Variants in HCRTR1 observed in about 807,000 individuals in gnomAD.
HCRTR1 encodes the protein hypocretin receptor 1, also known as orexin/Hypocretin receptor type 1.
HCRTR1 carries 28 observed loss-of-function variants against 40.6 expected under a neutral mutation model. The observed-to-expected ratio is 0.69, with a 90% CI of 0.51 to 0.95. The LOEUF (loss-of-function observed/expected upper bound fraction) is 0.95. Ranked by LOEUF, HCRTR1 falls within the 40% of genes least tolerant of loss-of-function variation. HCRTR1 has a pLI of 0.00. For missense variants in HCRTR1, 482 were observed against 564.7 expected, an observed-to-expected ratio of 0.85 and a Z score of 1.48; for synonymous variants, 209 against 230.0, an observed-to-expected ratio of 0.91 and a Z score of 0.83.
At chr1:31,630,358 T>C, downstream of HCRTR1, 1 of 507,764 alleles carries the variant, frequency 2.0e-6, no homozygotes, top group Non-Finnish European at 3.6e-6. Context: ...GCCACTCAAC[T>C]GCTCATGGCC....
Position 31,619,387 on chromosome 1 carries a change from G to T in HCRTR1, c.195G>T (p.Thr65=), listed in dbSNP as rs760595019. 6.2e-7 allele frequency: 1 copy of T among 1,614,094 alleles called. No individual in the cohort carries two copies. Residue 65 remains threonine, a synonymous_variant, in exon 3 of 9, where the codon ACG becomes ACT. Transcript: ENST00000403528. The part of the protein sequence containing the change: ...AVFVVALVGN[T]LVCLAVWRNH... Reference sequence around the variant, plus strand: ...TCGTCGTGGCCCTGGTGGGCAACACGCTGGGTAGGTCCAGGGCTTGCCCGG... The same window carrying T: ...TCGTCGTGGCCCTGGTGGGCAACACTCTGGGTAGGTCCAGGGCTTGCCCGG...
chr1:31,631,049 C>A (rs893320794), downstream of HCRTR1, among the ~76,000 whole-genome samples: 1 of 152,156 alleles, frequency 6.6e-6, no homozygotes, highest in African/African-American at 2.4e-5. Flanking sequence ...GGTGGAAGGC[C>A]CTCATCCCTC....
At chr1:31,632,948 C>T (rs536378228), downstream of HCRTR1, among the ~76,000 whole-genome samples, 13 of 152,318 alleles carry the variant, frequency 8.5e-5, no homozygotes, top group East Asian at 2.5e-3. Flanking sequence ...CTAAGTTAAC[C>T]TGTAACTAGG....
downstream of HCRTR1, chr1:31,627,661 G>A: frequency 3.5e-6 from 1 of 289,202 alleles, no homozygotes; most frequent in African/African-American, 2.2e-5. Context: ...CTTAGGTTAG[G>A]AGCAGAAGAA....
rs564685579 is a variant in HCRTR1, at chr1:31,625,648, G to A, written c.1087+530G>A. Among the ~76,000 whole-genome samples the A allele has an allele frequency of 4.6e-5, 7 of 152,252 alleles. No individual in the cohort carries two copies. In the East Asian group the frequency reaches 1.2e-3, roughly 25 times the overall value. On this transcript the variant is annotated intron_variant, in intron 8 of 8. Coordinates refer to ENST00000403528, the MANE Select transcript of HCRTR1 (RefSeq NM_001525.3). The surrounding 1 kb of genome is among the most constrained non-coding windows in gnomAD (Gnocchi z 4.2). ...GGAATCTCAGGGGTTGTCCCCTCTG[G>A]AAGTCTTCCTCCCCTGCCACCCCCA...
chr1:31,619,403 G>A lies in HCRTR1; in HGVS notation c.199+12G>A. 1 of 1,613,948 alleles carries A rather than the reference G, an allele frequency of 6.2e-7. No individual in the cohort carries two copies. Among genetic ancestry groups the A allele is most frequent in the Non-Finnish European group, 8.5e-7 (1 of 1,179,922 alleles). ...GGGCAACACGCTGGGTAGGTCCAGG[G>A]CTTGCCCGGCAGTGCTGCCGGCTTT... On this transcript the variant is annotated intron_variant, in intron 3 of 8. Coordinates refer to ENST00000403528, the MANE Select transcript of HCRTR1 (RefSeq NM_001525.3).
intron 6 of HCRTR1, among the ~76,000 whole-genome samples, chr1:31,623,001 G>A (rs965639653): frequency 2.6e-5 from 4 of 152,136 alleles, no homozygotes; most frequent in Admixed American, 6.5e-5. Context: ...TCCACAAGGC[G>A]TGTTGTAGAG....
chr1:31,633,773 T>C (rs1257153484), downstream of HCRTR1, among the ~76,000 whole-genome samples: 5 of 151,956 alleles, frequency 3.3e-5, no homozygotes, highest in Non-Finnish European at 7.4e-5. Context: ...TTGACCAACA[T>C]GGAGAAACCC....
At chr1:31,632,723 T>C (rs2148617151), downstream of HCRTR1, 1 of 1,491,524 alleles carries the variant, frequency 6.7e-7, no homozygotes, top group East Asian at 2.3e-5. Context: ...AGGCAGCCCT[T>C]CTCTCCAGGC....
At chr1:31,627,915 A>C (rs1394884323), downstream of HCRTR1, among the ~76,000 whole-genome samples, 1 of 152,198 alleles carries the variant, frequency 6.6e-6, no homozygotes, top group Non-Finnish European at 1.5e-5. Flanking sequence ...GCGGGTTAAC[A>C]GGCTGATTTA....
chr1:31,632,307 C>A, downstream of HCRTR1: 1 of 1,010,276 alleles, frequency 9.9e-7, no homozygotes. Flanking sequence ...TTTCCTTGCC[C>A]TGGCTCTTGG....
In HCRTR1 at chr1:31,625,116, G is replaced by C; in HGVS notation, c.1085G>C (p.Ser362Thr). ...AANPIIYNFLSGKFREQFKAA... is the reference protein window; with the variant it reads ...AANPIIYNFLTGKFREQFKAA... ...AACCCCATCATCTACAACTTCCTCA[G>C]TGGTGAGCAGGCTGGGGATGCAAAA... The change falls in exon 8 of 9, where the codon AGT (serine) becomes ACT (threonine). Residue 362 changes from serine to threonine, a missense_variant and splice_region_variant. Ser to Thr is a moderately conservative substitution (Grantham distance 58). Transcript: ENST00000403528. The surrounding 1 kb of genome is among the most constrained non-coding windows in gnomAD (Gnocchi z 4.2). 6.2e-7 allele frequency: 1 copy of C among 1,608,206 alleles called. No homozygotes were observed. Among genetic ancestry groups the C allele is most frequent in the Non-Finnish European group, 8.5e-7 (1 of 1,176,544 alleles).
chr1:31,630,725 G>T (rs1209253535), downstream of HCRTR1: 1 of 1,614,156 alleles, frequency 6.2e-7, no homozygotes, highest in East Asian at 2.2e-5. Context: ...CTGCAGCTGG[G>T]TGCACACCTG....
chr1:31,633,078 C>T (rs538261492), downstream of HCRTR1: 11 of 1,472,324 alleles, frequency 7.5e-6, no homozygotes, highest in African/African-American at 1.4e-5. Context: ...TCAGAATGTC[C>T]ACCCACCCAC....
chr1:31,632,457 C>A (rs143731704), downstream of HCRTR1: 84 of 1,614,214 alleles, frequency 5.2e-5, no homozygotes, highest in African/African-American at 1.1e-3. Context: ...AAGAGTCTAG[C>A]TCTGTCCTGC....
At chr1:31,620,634 C>A (rs561305526) in intron 4 of HCRTR1, among the ~76,000 whole-genome samples, 1 of 152,220 alleles carries the variant, frequency 6.6e-6, no homozygotes, top group Non-Finnish European at 1.5e-5. Flanking sequence ...TTCACTTATT[C>A]GCACAAGAAT....
Position 31,627,101 on chromosome 1 carries a change from T to A in HCRTR1, c.*121T>A, listed in dbSNP as rs1639995931. On this transcript the variant is annotated 3_prime_UTR_variant, in exon 9 of 9. Coordinates refer to ENST00000403528, the MANE Select transcript of HCRTR1 (RefSeq NM_001525.3). ...GGGTTTCTGCCTGTGTGACTCTGGA[T>A]AAGTCACTTCCTCTGTCTGAGCTTG... 1 of 1,455,278 alleles carries A rather than the reference T, an allele frequency of 6.9e-7. No individual in the cohort carries two copies. The highest frequency in any genetic ancestry group is 2.3e-5 in the East Asian group (1 of 42,686). The allele number at this position is 1,455,278 out of a possible 1,614,324, so 90.1% of individuals were successfully genotyped here. A position where few individuals can be genotyped will look rare whatever the true frequency, so the allele number is the denominator to read the frequency against.
At chr1:31,619,901 C>T (rs1268905468) in intron 4 of HCRTR1, among the ~76,000 whole-genome samples, 191 bp downstream of exon 4, 1 of 152,198 alleles carries the variant, frequency 6.6e-6, no homozygotes, top group Admixed American at 6.5e-5. Context: ...CAGACACAAC[C>T]CCACACACTC....
In HCRTR1 at chr1:31,623,766, T is replaced by C. The variant is rs1224830233; in HGVS notation, c.965+17T>C. ...CCTTAAGAGGTGAGAGCACGGGGTA[T>C]GGTTGGGGTGGGGAGAAGTTTGAGG... On this transcript the variant is annotated intron_variant, in intron 7 of 8. Coordinates refer to ENST00000403528, the MANE Select transcript of HCRTR1 (RefSeq NM_001525.3). 3.8e-6 allele frequency: 6 copies of C among 1,593,308 alleles called. No homozygotes were observed. The highest frequency in any genetic ancestry group is 5.2e-6 in the Non-Finnish European group (6 of 1,163,984).
Sources: allele counts gnomAD v4.1 joint callset (sites outside exome capture counted in the v4.1 genomes callset), GRCh38; gene constraint gnomAD v4.1.1; non-coding constraint Gnocchi (gnomAD v3.1); transcripts MANE v1.5; gene names NCBI Gene and HGNC (gene_info 2026-07-23, HGNC 2026-07-21).